The following SLC22A23 variants were observed in gnomAD, a reference collection of about 807,000 sequenced individuals.
The protein encoded by SLC22A23 is solute carrier family 22 member 23.
SLC22A23 carries 26 observed loss-of-function variants against 61.0 expected under a neutral mutation model. That is an observed-to-expected ratio of 0.43 (90% CI 0.31 to 0.59). The LOEUF is 0.59. Ranked by LOEUF, SLC22A23 falls within the 20% of genes least tolerant of loss-of-function variation. The probability of loss-of-function intolerance (pLI) is 0.11; values close to 1 mark genes in which losing one functional copy is unlikely to be tolerated. For synonymous variants in SLC22A23, 430 were observed against 413.9 expected (o/e 1.04, Z -0.47); for missense variants, 796 against 934.7 (o/e 0.85, Z 1.94).
In SLC22A23 at chr6:3,317,903, T is replaced by C. The variant is rs546520487; in HGVS notation, c.1082+5931A>G. On this transcript the variant is annotated intron_variant, in intron 4 of 9. Transcript: ENST00000406686. This position sits in a 1 kb window ranked among gnomAD's most constrained non-coding sequence, Gnocchi z 4.4. ...ACCTAAAGCCCAGCCGATCCTGCCA[T>C]GGCCCAGAAGGCTCAACATATTATA... 1.1e-4 allele frequency among the ~76,000 whole-genome samples: 17 copies of C among 152,302 alleles called. 1 individual carries two copies. The South Asian group carries it at 3.5e-3, about 32-fold the overall frequency.
rs1248907550 is a variant in SLC22A23 at position 3,456,987 on chromosome 6, T to G, written c.-428A>C. 1.3e-5 allele frequency: 2 copies of G among 150,750 alleles called. No homozygotes were observed. Among genetic ancestry groups the G allele is most frequent in the Non-Finnish European group, 3.0e-5 (2 of 67,400 alleles). 9.3% of individuals were successfully genotyped at this position (150,750 alleles called of 1,614,324 possible). A position where few individuals can be genotyped will look rare whatever the true frequency, so the allele number is the denominator to read the frequency against. On this transcript the variant is annotated 5_prime_UTR_variant, in exon 1 of 10. Coordinates refer to ENST00000406686, the MANE Select transcript of SLC22A23 (RefSeq NM_015482.2). The surrounding 1 kb of genome is among the most constrained non-coding windows in gnomAD (Gnocchi z 7.1). ...CGGGCAAAGGCTGCTGCTCCCGGGGTGGCCGCGCTGTATTTCTCCGACTTC... is the reference window on the plus strand; with the variant it reads ...CGGGCAAAGGCTGCTGCTCCCGGGGGGGCCGCGCTGTATTTCTCCGACTTC...
Position 3,318,071 on chromosome 6 carries a change from A to G in SLC22A23, c.1082+5763T>C, listed in dbSNP as rs149376449. On this transcript the variant is annotated intron_variant, in intron 4 of 9. Transcript: ENST00000406686. This position sits in a 1 kb window ranked among gnomAD's most constrained non-coding sequence, Gnocchi z 4.3. ...TGCACCCCCTGCCAAGTCCCTGTCCAGTCTCTGGGTGCATCATGCTGCTGC... is the reference window on the plus strand; with the variant it reads ...TGCACCCCCTGCCAAGTCCCTGTCCGGTCTCTGGGTGCATCATGCTGCTGC... Among the ~76,000 whole-genome samples, 54 of 152,264 alleles carry G rather than the reference A, an allele frequency of 3.5e-4. 2 individuals are homozygous for G. The East Asian group carries it at 9.3e-3, about 26-fold the overall frequency.
At chr6:3,359,784 G>A (rs546073918) in intron 3 of SLC22A23, among the ~76,000 whole-genome samples, 2 of 152,300 alleles carry the variant, frequency 1.3e-5, no homozygotes, top group African/African-American at 4.8e-5. Flanking sequence ...ACAGCCAAAA[G>A]GTGGGAGCAA....
intron 1 of SLC22A23, among the ~76,000 whole-genome samples, chr6:3,431,471 G>A (rs1770859047): frequency 6.6e-6 from 1 of 152,176 alleles, no homozygotes; most frequent in Admixed American, 6.5e-5. Context: ...CTATGGGTGG[G>A]CATGAAGTTT....
At chr6:3,445,233 G>A (rs551179415) in intron 1 of SLC22A23, among the ~76,000 whole-genome samples, 3 of 151,270 alleles carry the variant, frequency 2.0e-5, no homozygotes, top group African/African-American at 7.3e-5. Context: ...GAGTCTCACT[G>A]TGTCCCCCAG....
chr6:3,409,118 T>A (rs998251667), intron 3 of SLC22A23, among the ~76,000 whole-genome samples: 2 of 152,258 alleles, frequency 1.3e-5, no homozygotes, highest in African/African-American at 4.8e-5. Flanking sequence ...TTGTCATGCA[T>A]ATCTTCCTAA....
rs977362581 is a variant in SLC22A23 at position 3,270,327 on chromosome 6, C to T, written c.*2728G>A. 2.0e-5 allele frequency: 3 copies of T among 152,446 alleles called. No homozygotes were observed. The highest frequency in any genetic ancestry group is 4.4e-5 in the Non-Finnish European group (3 of 68,106). The allele number at this position is 152,446 out of a possible 1,614,324, so 9.4% of individuals were successfully genotyped here. ...AGCCGTAGCAGCCTCCCCTGCTGAG[C>T]CCGGCGGGCCCAGATGCGTATCAGG... On this transcript the variant is annotated 3_prime_UTR_variant, in exon 10 of 10. Transcript: ENST00000406686.
rs77772004 is a variant in SLC22A23, at chr6:3,297,391, C to T, written c.1210+700G>A. Among the ~76,000 whole-genome samples, 9,225 of 152,228 alleles carry T rather than the reference C, an allele frequency of 0.061. 431 individuals carry two copies. Among genetic ancestry groups the T allele is most frequent in the Non-Finnish European group, 0.091 (6,177 of 68,004 alleles). ...GCCGAGACCACCAGTGATCTTCAAA[C>T]GGAAATCTGTATACCACTTGCATCA... On this transcript the variant is annotated intron_variant, in intron 5 of 9. Transcript: ENST00000406686. This position sits in a 1 kb window ranked among gnomAD's most constrained non-coding sequence, Gnocchi z 4.3.
In SLC22A23 at chr6:3,329,884, G is replaced by A. The variant is rs1043498844; in HGVS notation, c.914-5882C>T. ...ACTCACTGGCAGAGGGAGGTGAGAC[G>A]GGCTCAGGAAAGGACAGCGTCTGCC... On this transcript the variant is annotated intron_variant, in intron 3 of 9. Transcript: ENST00000406686. This position sits in a 1 kb window ranked among gnomAD's most constrained non-coding sequence, Gnocchi z 4.8. Among the ~76,000 whole-genome samples, 4 of 152,148 alleles carry A rather than the reference G, an allele frequency of 2.6e-5. No individual in the cohort carries two copies. Among genetic ancestry groups the A allele is most frequent in the African/African-American group, 4.8e-5 (2 of 41,428 alleles).
intron 1 of SLC22A23, among the ~76,000 whole-genome samples, chr6:3,441,139 GCCTACCACAGTTTT>G (rs1771566160): frequency 6.6e-6 from 1 of 152,174 alleles, no homozygotes; most frequent in Non-Finnish European, 1.5e-5. Flanking sequence ...GGACCATGGG[GCCTACCACAGTTTT>G]GTGATGGGGG....
intron 9 of SLC22A23, among the ~76,000 whole-genome samples, chr6:3,278,231 C>A (rs56149410): frequency 0.081 from 12,291 of 152,288 alleles, 572 homozygotes; most frequent in Middle Eastern, 0.13. Flanking sequence ...CCTGCCTTAG[C>A]CACGGAGGGA....
intron 1 of SLC22A23, chr6:3,439,369 C>T (rs867589836): frequency 2.7e-5 from 12 of 448,790 alleles, no homozygotes; most frequent in Middle Eastern, 7.5e-4. Flanking sequence ...CTGAAAGTTC[C>T]CCAGGGTGAC....
At chr6:3,366,183 T>C (rs1191070963) in intron 3 of SLC22A23, among the ~76,000 whole-genome samples, 1 of 151,218 alleles carries the variant, frequency 6.6e-6, no homozygotes, top group Non-Finnish European at 1.5e-5. Context: ...ACAAAAAAAA[T>C]TTAGCTGGGC....
chr6:3,442,716 C>A (rs935877501), intron 1 of SLC22A23, among the ~76,000 whole-genome samples: 2 of 152,058 alleles, frequency 1.3e-5, no homozygotes, highest in Admixed American at 6.6e-5. Context: ...AGCATTATCT[C>A]CCTTGCACCT....
At chr6:3,290,639 C>T (rs969107261) in intron 5 of SLC22A23, 2 of 152,936 alleles carry the variant, frequency 1.3e-5, no homozygotes, top group African/African-American at 4.8e-5. Flanking sequence ...GGGAGTCCAC[C>T]AGCGCACAGT....
intron 9 of SLC22A23, among the ~76,000 whole-genome samples, chr6:3,279,441 T>C (rs942591666): frequency 7.4e-6 from 1 of 135,934 alleles, no homozygotes; most frequent in African/African-American, 2.8e-5. Context: ...AACCAGGGAG[T>C]TGGAGGTTGC....
chr6:3,276,310 C>T (rs985381946), intron 9 of SLC22A23, among the ~76,000 whole-genome samples: 1 of 152,186 alleles, frequency 6.6e-6, no homozygotes, highest in East Asian at 1.9e-4. Context: ...GACAAAGACT[C>T]GCTGGATTCT....
At chr6:3,298,743 C>G (rs371093433) in intron 4 of SLC22A23, among the ~76,000 whole-genome samples, 1 of 151,924 alleles carries the variant, frequency 6.6e-6, no homozygotes, top group African/African-American at 2.4e-5. Flanking sequence ...GAGGCCGAGG[C>G]GGGTGGATCA....
At chr6:3,359,784 G>T (rs546073918) in intron 3 of SLC22A23, among the ~76,000 whole-genome samples, 3 of 152,182 alleles carry the variant, frequency 2.0e-5, no homozygotes, top group South Asian at 2.1e-4. Context: ...ACAGCCAAAA[G>T]GTGGGAGCAA....
Sources: gnomAD v4.1 joint callset for allele counts (sites outside exome capture counted in the v4.1 genomes callset) on GRCh38, gnomAD v4.1.1 for gene constraint, Gnocchi (gnomAD v3.1) non-coding constraint, MANE v1.5 for transcripts, NCBI Gene and HGNC (gene_info 2026-07-23, HGNC 2026-07-21) for gene names.